The following NAV2 variants were observed in gnomAD, a reference collection of about 807,000 sequenced individuals.
The protein encoded by NAV2 is neuron navigator 2, also known as helicase, APC down-regulated 1.
In NAV2, 54 loss-of-function variants were observed where a neutral mutation model predicts 223.2. The observed-to-expected ratio is 0.24, with a 90% CI of 0.19 to 0.30. NAV2 has a LOEUF of 0.30. Ranked by LOEUF, NAV2 falls within the 10% of genes least tolerant of loss-of-function variation. The pLI is 1.00. For missense variants in NAV2, 2,806 were observed against 3,147.5 expected (o/e 0.89, Z 2.60); for synonymous variants, 1,279 against 1,239.3 (o/e 1.03, Z -0.67).
intron 6 of NAV2, among the ~76,000 whole-genome samples, chr11:19,908,060 T>C (rs770087527): frequency 1.3e-5 from 2 of 152,226 alleles, no homozygotes; most frequent in Non-Finnish European, 2.9e-5. Flanking sequence ...GCATTAGCAC[T>C]TATGATCTTG....
intron 32 of NAV2, among the ~76,000 whole-genome samples, chr11:20,101,692 G>A (rs2061653894): frequency 6.6e-6 from 1 of 152,184 alleles, no homozygotes; most frequent in Non-Finnish European, 1.5e-5. Context: ...ATGGTACTAA[G>A]TGGTAGAACT....
At chr11:19,350,615 G>A (rs1590030313), upstream of NAV2, 3 of 310,410 alleles carry the variant, frequency 9.7e-6, no homozygotes, top group East Asian at 1.3e-4. Flanking sequence ...GGTTTCTGGG[G>A]CAGTAATGTG....
intron 2 of NAV2, among the ~76,000 whole-genome samples, chr11:19,834,357 A>G (rs61879374): frequency 0.14 from 22,008 of 152,206 alleles, 1,743 homozygotes; most frequent in Admixed American, 0.18. Context: ...TAACCCAGGC[A>G]GTCTGCTTCT....
At chr11:19,858,355 C>T (rs2061505675) in intron 3 of NAV2, among the ~76,000 whole-genome samples, 1 of 152,224 alleles carries the variant, frequency 6.6e-6, no homozygotes, top group Admixed American at 6.5e-5. Flanking sequence ...TAATGTCCTT[C>T]AGGCCCATCC....
At chr11:19,874,486 C>T (rs1444640255) in intron 4 of NAV2, among the ~76,000 whole-genome samples, 2 of 152,184 alleles carry the variant, frequency 1.3e-5, no homozygotes, top group Non-Finnish European at 2.9e-5. Context: ...AAAATAGTAA[C>T]TCCTTTTCCA....
At position 20,023,699 on chromosome 11, in the gene NAV2, G is replaced by GGTGGGTGT. The variant is rs1554902315; in HGVS notation, c.2769-12257_2769-12256insGGTGTGTG. 1.8e-3 allele frequency among the ~76,000 whole-genome samples: 260 copies of GGTGGGTGT among 144,680 alleles called. 1 individual carries two copies. Among genetic ancestry groups the GGTGGGTGT allele is most frequent in the African/African-American group, 6.3e-3 (243 of 38,762 alleles). The allele number at this position is 144,680 out of a possible 152,430, so 94.9% of individuals were successfully genotyped here. A position where few individuals can be genotyped will look rare whatever the true frequency, so the allele number is the denominator to read the frequency against. ...GTTGTGTTTATACAGCAAATTGCTG[G>GGTGGGTGT]GTGTGTGTGTGTGTGTGTGTGTGTG... is the stretch of plus-strand genomic sequence containing the variant. On this transcript the variant is annotated intron_variant, in intron 11 of 37. Transcript: ENST00000349880.
At chr11:19,910,009 C>G (rs1010005847) in intron 6 of NAV2, among the ~76,000 whole-genome samples, 2 of 152,090 alleles carry the variant, frequency 1.3e-5, no homozygotes, top group African/African-American at 2.4e-5. Flanking sequence ...AGTCACTGCC[C>G]ATCGTGGGGT....
At chr11:19,835,625 C>T (rs1161403865) in intron 2 of NAV2, among the ~76,000 whole-genome samples, 1 of 151,444 alleles carries the variant, frequency 6.6e-6, no homozygotes, top group East Asian at 1.9e-4. Context: ...CCATACATGC[C>T]CATTAAAAGA....
intron 17 of NAV2, among the ~76,000 whole-genome samples, chr11:20,052,120 A>G (rs1268611731): frequency 2.0e-5 from 3 of 152,320 alleles, no homozygotes; most frequent in African/African-American, 4.8e-5. Flanking sequence ...CTTTCTAAAC[A>G]CCACATGCCC....
chr11:20,091,051 G>A, intron 27 of NAV2, 33 bp downstream of exon 27: 1 of 1,606,134 alleles, frequency 6.2e-7, no homozygotes, highest in Non-Finnish European at 8.5e-7. Context: ...TGAGCTCAAG[G>A]CTGTCTATGA....
At chr11:20,045,740 CT>C in intron 14 of NAV2, 70 bp downstream of exon 14, 1 of 1,297,792 alleles carries the variant, frequency 7.7e-7, no homozygotes, top group Non-Finnish European at 1.1e-6. Context: ...TTTCCTGTTT[CT>C]TAGTTGAAGC....
chr11:20,026,394 T>A (rs2055076993), intron 11 of NAV2, among the ~76,000 whole-genome samples: 1 of 152,092 alleles, frequency 6.6e-6, no homozygotes, highest in African/African-American at 2.4e-5. Context: ...CACCGCAAGC[T>A]CTGCCTCCCA....
rs573155927 is a variant in NAV2, at chr11:19,485,406, C to T, written c.75+134379C>T. ...AATCAGAAAGAGCAAGTTGCTTCAT[C>T]TCTACCCTCTCTTCTAGCCTGGGAC... On this transcript the variant is annotated intron_variant, in intron 1 of 37. Coordinates refer to the NAV2 transcript ENST00000360655. 2.0e-5 allele frequency among the ~76,000 whole-genome samples: 3 copies of T among 152,288 alleles called. No individual in the cohort carries two copies. The East Asian group carries it at 5.8e-4, about 29-fold the overall frequency.
intron 1 of NAV2, among the ~76,000 whole-genome samples, chr11:19,400,136 G>GAATAA (rs1849623379): frequency 6.6e-6 from 1 of 152,174 alleles, no homozygotes; most frequent in South Asian, 2.1e-4. Context: ...TGTGAATAAG[G>GAATAA]GGTAGGCAGG....
intron 1 of NAV2, among the ~76,000 whole-genome samples, chr11:19,799,172 CTGAT>C (rs1343114400): frequency 1.3e-5 from 2 of 152,306 alleles, no homozygotes; most frequent in African/African-American, 4.8e-5. Flanking sequence ...CCTTTTCCCG[CTGAT>C]TGATTGAAAG....
chr11:19,412,338 T>C (rs1850180717), intron 1 of NAV2, among the ~76,000 whole-genome samples: 1 of 152,046 alleles, frequency 6.6e-6, no homozygotes, highest in Admixed American at 6.6e-5. Context: ...CCACCACAGC[T>C]CAAAAAGCTG....
intron 1 of NAV2, among the ~76,000 whole-genome samples, chr11:19,437,489 CTCTTG>C (rs1018757203): frequency 2.6e-5 from 4 of 152,092 alleles, no homozygotes; most frequent in African/African-American, 7.2e-5. Context: ...TCCTTCTGTC[CTCTTG>C]TCTTTCTTTG....
chr11:19,953,120 C>T (rs564014505), intron 10 of NAV2, among the ~76,000 whole-genome samples: 1 of 152,236 alleles, frequency 6.6e-6, no homozygotes, highest in East Asian at 1.9e-4. Flanking sequence ...ACTCCACGTC[C>T]ATATGTTTGA....
Position 20,055,846 on chromosome 11 carries a change from G to A in NAV2, c.4720G>A (p.Gly1574Arg). 20 of 1,614,162 alleles carry A rather than the reference G, an allele frequency of 1.2e-5. No homozygotes were observed. Among genetic ancestry groups the A allele is most frequent in the Non-Finnish European group, 1.4e-5 (16 of 1,180,008 alleles). ...LRTHSLSNAD[G>R]QYDPYTDSRF... ...GACTCACAGCCTCTCCAATGCTGAT[G>A]GGCAGTATGATCCATACACTGACAG... The change falls in exon 19 of 38, where the codon GGG (glycine) becomes AGG (arginine). Residue 1574 changes from glycine (G) to arginine (R), a missense_variant. By Grantham distance (125) the Gly-to-Arg change is moderately radical. Transcript: ENST00000349880.
Sources: gnomAD v4.1 joint callset for allele counts (sites outside exome capture counted in the v4.1 genomes callset) on GRCh38, gnomAD v4.1.1 for gene constraint, MANE v1.5 for transcripts, NCBI Gene and HGNC (gene_info 2026-07-23, HGNC 2026-07-21) for gene names.